GBF1: variants seen among roughly 807,000 people sequenced by gnomAD.
The protein encoded by GBF1 is Golgi-specific brefeldin A-resistance guanine nucleotide exchange factor 1.
A neutral mutation model predicts 210.5 loss-of-function variants in GBF1; 114 were observed. The ratio of observed to expected loss-of-function variants is 0.54; its 90% CI spans 0.47 to 0.63. The LOEUF (loss-of-function observed/expected upper bound fraction) is 0.63, where lower values mean the gene tolerates loss of function less well. GBF1 is among the 30% of genes least tolerant of loss of function. The pLI, the probability that GBF1 is intolerant of heterozygous loss-of-function variation, is 0.00. For synonymous variants in GBF1, 850 were observed against 889.2 expected (o/e 0.96, Z 0.78); for missense variants, 1,851 against 2,357.7 (o/e 0.79, Z 4.45).
intron 1 of GBF1, among the ~76,000 whole-genome samples, chr10:102,247,009 G>T (rs757632919): frequency 6.6e-6 from 1 of 152,182 alleles, no homozygotes; most frequent in Non-Finnish European, 1.5e-5. Context: ...TTGGTATGTA[G>T]TGGGCACTCA....
intron 3 of GBF1, among the ~76,000 whole-genome samples, chr10:102,327,027 C>T (rs1367987769): frequency 2.6e-5 from 4 of 152,180 alleles, no homozygotes; most frequent in African/African-American, 9.7e-5. Flanking sequence ...TTTAAATGTA[C>T]CACGTCACAG....
At chr10:102,360,161 ACT>A in intron 11 of GBF1, 21 bp from the exon 12 acceptor site, 3 of 1,511,142 alleles carry the variant, frequency 2.0e-6, no homozygotes, top group Non-Finnish European at 2.8e-6. Context: ...TAGCAGTCTC[ACT>A]CTCCTCCTGG....
Position 102,363,696 on chromosome 10 carries a change from C to T in GBF1, c.2018-14C>T, listed in dbSNP as rs776774742. The T allele has an allele frequency of 3.2e-6, 5 of 1,575,250 alleles. No individual in the cohort carries two copies. In the Admixed American group the frequency reaches 6.7e-5, roughly 21 times the overall value. ...GTGTTACAGATATTTCCCCCCTCTT[C>T]TTCCTACTCCTAGCTGACAAAAAGT... On this transcript the variant is annotated splice_polypyrimidine_tract_variant and intron_variant, in intron 16 of 39. Transcript: ENST00000369983. The surrounding 1 kb of genome is among the most constrained non-coding windows in gnomAD (Gnocchi z 4.2).
At chr10:102,359,706 C>T (rs886327952) in intron 11 of GBF1, among the ~76,000 whole-genome samples, 2 of 150,486 alleles carry the variant, frequency 1.3e-5, no homozygotes, top group Non-Finnish European at 2.9e-5. Flanking sequence ...AAGGTAGGAT[C>T]ATCAATTCTG....
At chr10:102,375,297 C>T (rs370841874) in intron 29 of GBF1, 62 bp from the exon 30 acceptor site, 17 of 958,626 alleles carry the variant, frequency 1.8e-5, no homozygotes, top group East Asian at 1.4e-4. Flanking sequence ...GAAAACTAGA[C>T]AGGAAGCTGT....
chr10:102,300,976 C>T (rs372082043), intron 3 of GBF1, among the ~76,000 whole-genome samples: 147 of 135,958 alleles, frequency 1.1e-3, no homozygotes, highest in Non-Finnish European at 1.2e-3. Flanking sequence ...ATTTTCTTTT[C>T]TTTTTTTTTT....
chr10:102,268,601 CAAG>C (rs1338608298), intron 3 of GBF1, among the ~76,000 whole-genome samples: 1 of 151,824 alleles, frequency 6.6e-6, no homozygotes, highest in Non-Finnish European at 1.5e-5. Context: ...TTTTTTCAAA[CAAG>C]GAGGCAGGCA....
chr10:102,246,147 T>C (rs1025977535), intron 1 of GBF1, among the ~76,000 whole-genome samples: 2 of 152,218 alleles, frequency 1.3e-5, no homozygotes, highest in African/African-American at 4.8e-5. Flanking sequence ...TGTCTACTTT[T>C]ATGGGTTTTC....
chr10:102,382,137 G>C lies in GBF1; in HGVS notation c.5384G>C (p.Ser1795Thr), dbSNP rs749549726. The C allele has an allele frequency of 1.0e-4, 162 of 1,610,820 alleles. No individual in the cohort carries two copies. Among genetic ancestry groups the C allele is most frequent in the Non-Finnish European group, 1.3e-4 (154 of 1,178,060 alleles). The change falls in exon 40 of 40, where the codon AGC (serine) becomes ACC (threonine). Residue 1795 changes from serine to threonine, a missense_variant. This residue lies in a region of GBF1 where 967 missense variants were observed against 1,247.7 expected (regional missense o/e 0.78). Coordinates refer to ENST00000369983, the MANE Select transcript of GBF1 (RefSeq NM_001377137.1). ...SPVASSPSRLSPTPDGPPPLA... is the reference protein window; with the variant it reads ...SPVASSPSRLTPTPDGPPPLA... ...GTGGCCTCAAGCCCCAGCAGGCTGA[G>C]CCCCACCCCCGACGGGCCTCCACCC...
chr10:102,331,898 C>T (rs935002757), intron 3 of GBF1, among the ~76,000 whole-genome samples: 10 of 128,800 alleles, frequency 7.8e-5, no homozygotes, highest in African/African-American at 1.2e-4. Context: ...CTGGCTCTGT[C>T]GCCCAGGCTG....
intron 1 of GBF1, among the ~76,000 whole-genome samples, chr10:102,257,047 C>T (rs998351394): frequency 2.6e-5 from 4 of 152,064 alleles, no homozygotes; most frequent in Admixed American, 2.6e-4. Context: ...CAAAAAAACC[C>T]CAAAAGACAA....
At chr10:102,364,965 C>T (rs1288174709) in intron 17 of GBF1, among the ~76,000 whole-genome samples, 1 of 152,192 alleles carries the variant, frequency 6.6e-6, no homozygotes, top group Non-Finnish European at 1.5e-5. Flanking sequence ...ATATGAGTTG[C>T]CTCCACAGTT....
chr10:102,231,804 TG>T, the GBF1 span: 1 of 1,593,724 alleles, frequency 6.3e-7, no homozygotes. Flanking sequence ...GGGGCCAGGG[TG>T]GGGGCAGGTC....
intron 29 of GBF1, among the ~76,000 whole-genome samples, chr10:102,371,916 A>G (rs1457846182): frequency 1.4e-5 from 2 of 141,654 alleles, no homozygotes; most frequent in South Asian, 4.6e-4. Context: ...ACAGAGTGAG[A>G]TTCTGTCTCA....
chr10:102,301,405 T>G (rs2077335459), intron 3 of GBF1, among the ~76,000 whole-genome samples: 1 of 152,320 alleles, frequency 6.6e-6, no homozygotes, highest in Admixed American at 6.5e-5. Flanking sequence ...AGCAACAATC[T>G]GATTTCTCTA....
intron 3 of GBF1, among the ~76,000 whole-genome samples, chr10:102,322,648 G>A (rs1303502323): frequency 7.5e-5 from 11 of 146,896 alleles, no homozygotes; most frequent in African/African-American, 2.5e-4. Context: ...TTGGGAGGCC[G>A]AGGCAGGAGG....
At chr10:102,328,076 C>T (rs2057036387) in intron 3 of GBF1, among the ~76,000 whole-genome samples, 2 of 152,342 alleles carry the variant, frequency 1.3e-5, no homozygotes, top group South Asian at 2.1e-4. Flanking sequence ...AAGTGATTAC[C>T]ATACTTATCC....
At chr10:102,263,721 C>A (rs552354168) in intron 3 of GBF1, among the ~76,000 whole-genome samples, 1 of 152,300 alleles carries the variant, frequency 6.6e-6, no homozygotes, top group African/African-American at 2.4e-5. Context: ...ACCACATTTA[C>A]AGTCAGTATT....
intron 4 of GBF1, among the ~76,000 whole-genome samples, chr10:102,349,253 C>T (rs2058775724): frequency 6.6e-6 from 1 of 152,230 alleles, no homozygotes; most frequent in Non-Finnish European, 1.5e-5. Context: ...AGAAAATGGG[C>T]TGGGCACAGT....
Sources: allele counts gnomAD v4.1 joint callset (sites outside exome capture counted in the v4.1 genomes callset), GRCh38; gene constraint gnomAD v4.1.1; regional missense constraint gnomAD v4.1.1; non-coding constraint Gnocchi (gnomAD v3.1); transcripts MANE v1.5; gene names NCBI Gene and HGNC (gene_info 2026-07-23, HGNC 2026-07-21).